Variants in SLC10A7 observed in about 807,000 individuals in gnomAD.
SLC10A7 encodes sodium/bile acid cotransporter 7.
Under a neutral mutation model 43.2 loss-of-function variants are expected in SLC10A7, and 29 were observed. The observed-to-expected ratio is 0.67, with a 90% CI of 0.50 to 0.92. The LOEUF (loss-of-function observed/expected upper bound fraction) is 0.92, where lower values mean the gene tolerates loss of function less well. Among genes scored for constraint, SLC10A7 ranks in the 40% least tolerant of loss-of-function variants. SLC10A7 has a pLI of 0.00. For synonymous variants in SLC10A7, 152 were observed against 144.8 expected, an observed-to-expected ratio of 1.05 and a Z score of -0.35; for missense variants, 295 against 403.2, an observed-to-expected ratio of 0.73 and a Z score of 2.30.
intron 5 of SLC10A7, among the ~76,000 whole-genome samples, chr4:146,397,100 T>C (rs1738885511): frequency 6.6e-6 from 1 of 152,188 alleles, no homozygotes; most frequent in African/African-American, 2.4e-5. Context: ...ACTACAATTC[T>C]AAGTGGAATT....
chr4:146,280,911 C>G (rs1000420858), intron 10 of SLC10A7, among the ~76,000 whole-genome samples: 6 of 152,066 alleles, frequency 3.9e-5, no homozygotes, highest in Non-Finnish European at 4.4e-5. Context: ...AGGAAAGTAT[C>G]AGTGGAAGAG....
At chr4:146,514,751 G>C in intron 2 of SLC10A7, 1 of 184,354 alleles carries the variant, frequency 5.4e-6, no homozygotes, top group Non-Finnish European at 1.1e-5. Context: ...CCACTGAAAT[G>C]AATTTAGGAT....
In SLC10A7 at chr4:146,469,281, A is replaced by G. The variant is rs1308796009; in HGVS notation, c.397-26460T>C. On this transcript the variant is annotated intron_variant, in intron 4 of 11. Coordinates refer to ENST00000335472, the MANE Select transcript of SLC10A7 (RefSeq NM_001029998.6). Reference sequence around the variant, plus strand: ...CACAAATGGTTGGTGAAGGTAGGAAAGTGGTCAGGAGAGGTAGAAGCTATT... The same window carrying G: ...CACAAATGGTTGGTGAAGGTAGGAAGGTGGTCAGGAGAGGTAGAAGCTATT... Among the ~76,000 whole-genome samples the G allele has an allele frequency of 2.0e-5, 3 of 152,214 alleles. No individual in the cohort carries two copies. In the East Asian group the frequency reaches 5.8e-4, roughly 29 times the overall value.
intron 2 of SLC10A7, chr4:146,515,141 T>C (rs898048671): frequency 2.8e-6 from 2 of 702,446 alleles, no homozygotes; most frequent in Non-Finnish European, 5.2e-6. Flanking sequence ...AGAATCGCAT[T>C]AAGTAAGAAG....
At chr4:146,336,155 A>G (rs967566373) in intron 5 of SLC10A7, among the ~76,000 whole-genome samples, 6 of 152,232 alleles carry the variant, frequency 3.9e-5, no homozygotes, top group African/African-American at 1.4e-4. Context: ...CACTTCTGCA[A>G]TTACTCAACT....
intron 10 of SLC10A7, among the ~76,000 whole-genome samples, chr4:146,278,958 A>G (rs1405969699): frequency 6.6e-6 from 1 of 152,212 alleles, no homozygotes; most frequent in Admixed American, 6.5e-5. Flanking sequence ...AACTAGACCC[A>G]TAATTAAGTA....
Position 146,495,843 on chromosome 4 carries a change from AT to A in SLC10A7, c.396+8005del, listed in dbSNP as rs567385210. Among the ~76,000 whole-genome samples the A allele has an allele frequency of 1.3e-4, 20 of 151,374 alleles. No individual in the cohort carries two copies. In the South Asian group the frequency reaches 3.1e-3, roughly 24 times the overall value. On this transcript the variant is annotated intron_variant, in intron 4 of 11. Transcript: ENST00000335472. Reference sequence around the variant, plus strand: ...TACACATACTTGTTATCTTTCTTCTATACCCCAAATCAAAATGTTTCTTTAA... The same window carrying A: ...TACACATACTTGTTATCTTTCTTCTAACCCCAAATCAAAATGTTTCTTTAA...
At chr4:146,374,020 A>G (rs564606339) in intron 5 of SLC10A7, among the ~76,000 whole-genome samples, 1 of 152,312 alleles carries the variant, frequency 6.6e-6, no homozygotes, top group African/African-American at 2.4e-5. Flanking sequence ...TGAAGCAAAA[A>G]CTGCCATCAG....
chr4:146,383,162 G>A (rs1737753370), intron 5 of SLC10A7, among the ~76,000 whole-genome samples: 1 of 152,108 alleles, frequency 6.6e-6, no homozygotes, highest in Admixed American at 6.6e-5. Flanking sequence ...TTGTTCAACT[G>A]ATTCTAGGGC....
At chr4:146,504,828 T>C (rs1736752686) in intron 3 of SLC10A7, among the ~76,000 whole-genome samples, 3 of 152,210 alleles carry the variant, frequency 2.0e-5, no homozygotes, top group African/African-American at 7.2e-5. Flanking sequence ...TCAGACTCTG[T>C]AGTAAATTCT....
At chr4:146,417,276 G>A (rs1400018230) in intron 5 of SLC10A7, among the ~76,000 whole-genome samples, 1 of 152,194 alleles carries the variant, frequency 6.6e-6, no homozygotes, top group Non-Finnish European at 1.5e-5. Flanking sequence ...TGAGAGGGAG[G>A]CAAGAAATAG....
intron 10 of SLC10A7, among the ~76,000 whole-genome samples, chr4:146,264,326 T>C (rs1258223225): frequency 6.6e-6 from 1 of 152,174 alleles, no homozygotes; most frequent in Non-Finnish European, 1.5e-5. Context: ...AAACAGACAT[T>C]TTTCTTCTTA....
intron 9 of SLC10A7, among the ~76,000 whole-genome samples, chr4:146,287,430 G>A (rs1414514156): frequency 6.6e-6 from 1 of 152,124 alleles, no homozygotes; most frequent in Non-Finnish European, 1.5e-5. Flanking sequence ...TGAGCTGGAA[G>A]CAAAAGTGAA....
At chr4:146,449,311 A>G (rs1278892911) in intron 4 of SLC10A7, among the ~76,000 whole-genome samples, 1 of 152,184 alleles carries the variant, frequency 6.6e-6, no homozygotes, top group African/African-American at 2.4e-5. Context: ...GCAGTTGGAC[A>G]AAGTATATCT....
intron 5 of SLC10A7, among the ~76,000 whole-genome samples, chr4:146,403,167 T>C (rs897279176): frequency 6.6e-6 from 1 of 152,178 alleles, no homozygotes; most frequent in Admixed American, 6.5e-5. Flanking sequence ...TACTATGATA[T>C]ATACAGGTGC....
intron 5 of SLC10A7, among the ~76,000 whole-genome samples, chr4:146,396,636 GA>G (rs2149811095): frequency 6.6e-6 from 1 of 152,096 alleles, no homozygotes; most frequent in East Asian, 1.9e-4. Context: ...ACAAATACAT[GA>G]AAAGGCCTTA....
chr4:146,442,897 C>T lies in SLC10A7; in HGVS notation c.397-76G>A, dbSNP rs535681771. 4 of 1,035,240 alleles carry T rather than the reference C, an allele frequency of 3.9e-6. No homozygotes were observed. In the African/African-American group the frequency reaches 6.6e-5, roughly 17 times the overall value. 64.1% of individuals were successfully genotyped at this position (1,035,240 alleles called of 1,614,324 possible). A position where few individuals can be genotyped will look rare whatever the true frequency, so the allele number is the denominator to read the frequency against. On this transcript the variant is annotated intron_variant, in intron 4 of 11. Transcript: ENST00000335472. ...TAATAAAGCCAAAGATTATCATTCT[C>T]CCCTCCCCCACTATTCAAAACCTTA... is the stretch of plus-strand genomic sequence containing the variant.
intron 5 of SLC10A7, among the ~76,000 whole-genome samples, chr4:146,374,742 T>G (rs1232901339): frequency 2.6e-5 from 4 of 151,914 alleles, no homozygotes; most frequent in Non-Finnish European, 5.9e-5. Flanking sequence ...TGTGCTAACA[T>G]TACTTCAATA....
intron 4 of SLC10A7, among the ~76,000 whole-genome samples, chr4:146,474,464 G>A (rs1328514562): frequency 6.6e-6 from 1 of 152,034 alleles, no homozygotes; most frequent in African/African-American, 2.4e-5. Context: ...ATAAATAGTG[G>A]CCAGACTTTA....
Sources: gnomAD v4.1 joint callset for allele counts (sites outside exome capture counted in the v4.1 genomes callset) on GRCh38, gnomAD v4.1.1 for gene constraint, MANE v1.5 for transcripts, NCBI Gene and HGNC (gene_info 2026-07-23, HGNC 2026-07-21) for gene names.